The following CEP89 variants were observed in gnomAD, a reference collection of about 807,000 sequenced individuals.
CEP89 encodes centrosomal protein 89, also known as centrosomal protein of 89 kDa.
Under a neutral mutation model 97.6 loss-of-function variants are expected in CEP89, and 95 were observed. The ratio of observed to expected loss-of-function variants is 0.97; its 90% CI spans 0.82 to 1.15. CEP89 has a LOEUF of 1.15. CEP89 is among the 50% of genes most tolerant of loss of function. The probability of loss-of-function intolerance (pLI) is 0.00; values close to 1 mark genes in which losing one functional copy is unlikely to be tolerated. For missense variants in CEP89, 869 were observed against 947.7 expected (o/e 0.92, Z 1.09); for synonymous variants, 354 against 349.1 (o/e 1.01, Z -0.16).
Position 32,933,533 on chromosome 19 carries a change from CA to C in CEP89, c.803del (p.Met268ArgfsTer6), listed in dbSNP as rs764704889. On this transcript the variant is annotated frameshift_variant, in exon 8 of 19. Transcript: ENST00000305768. LOFTEE classifies it high-confidence loss of function. ...TLELNTMKQA[M>X]KELQLKLKGM... ...CCTTAAGTTTTAACTGTAGTTCTTTCATTGCTTGTTTCATTGTGTTTAGTTC... is the reference window on the plus strand; with the variant it reads ...CCTTAAGTTTTAACTGTAGTTCTTTCTTGCTTGTTTCATTGTGTTTAGTTC... 37 of 1,613,960 alleles carry C rather than the reference CA, an allele frequency of 2.3e-5. No homozygotes were observed. The highest frequency in any genetic ancestry group is 3.1e-5 in the Non-Finnish European group (36 of 1,179,840).
At position 32,934,126 on chromosome 19, in the gene CEP89, G is replaced by C. The variant is rs188680810; in HGVS notation, c.668-457C>G. 1.6e-3 allele frequency among the ~76,000 whole-genome samples: 240 copies of C among 152,304 alleles called. 1 individual carries two copies. The highest frequency in any genetic ancestry group is 5.4e-3 in the African/African-American group (224 of 41,564). On this transcript the variant is annotated intron_variant, in intron 7 of 18. Coordinates refer to ENST00000305768, the MANE Select transcript of CEP89 (RefSeq NM_032816.5). ...CACATGAGAGCAGGACTCAGGGGCT[G>C]GTGGCTGGCTGGGTGCGGGCAGTGA... is the stretch of plus-strand genomic sequence containing the variant.
At chr19:32,953,513 C>T in intron 4 of CEP89, 102 bp downstream of exon 4, 1 of 906,698 alleles carries the variant, frequency 1.1e-6, no homozygotes, top group South Asian at 2.0e-5. Flanking sequence ...CAAATGCTAT[C>T]AAATGCAGAA....
chr19:32,961,380 C>G (rs1339651138), intron 2 of CEP89, among the ~76,000 whole-genome samples: 1 of 150,474 alleles, frequency 6.6e-6, no homozygotes, highest in Non-Finnish European at 1.5e-5. Context: ...ACCATCCTGG[C>G]CAACATGGTG....
intron 16 of CEP89, among the ~76,000 whole-genome samples, chr19:32,892,429 A>G (rs985132845): frequency 2.6e-5 from 4 of 151,178 alleles, no homozygotes; most frequent in African/African-American, 7.3e-5. Context: ...TTAGCCCCCA[A>G]AGTAGCTGGG....
chr19:32,916,413 C>G (rs1970128370), intron 13 of CEP89, among the ~76,000 whole-genome samples: 1 of 152,156 alleles, frequency 6.6e-6, no homozygotes, highest in African/African-American at 2.4e-5. Context: ...ACTGACTTTC[C>G]TAAGAGTAAA....
Position 32,949,970 on chromosome 19 carries a change from T to C in CEP89, c.493-1602A>G, listed in dbSNP as rs557325465. On this transcript the variant is annotated intron_variant, in intron 4 of 18. Coordinates refer to ENST00000305768, the MANE Select transcript of CEP89 (RefSeq NM_032816.5). ...ACCTGGCTCAAGAGAAGCAAACAGGTCTCCCAAGATACTCATCATTTGAAG... is the reference window on the plus strand; with the variant it reads ...ACCTGGCTCAAGAGAAGCAAACAGGCCTCCCAAGATACTCATCATTTGAAG... Among the ~76,000 whole-genome samples, 17 of 151,542 alleles carry C rather than the reference T, an allele frequency of 1.1e-4. No homozygotes were observed. In the East Asian group the frequency reaches 2.5e-3, roughly 23 times the overall value.
chr19:32,889,926 A>G (rs6510303), intron 16 of CEP89, among the ~76,000 whole-genome samples: 12,354 of 152,098 alleles, frequency 0.081, 1,570 homozygotes, highest in African/African-American at 0.27. Flanking sequence ...GCTACCACAG[A>G]GAGTGCCAGG....
chr19:32,941,667 G>A (rs961836440), intron 5 of CEP89, among the ~76,000 whole-genome samples: 3 of 152,086 alleles, frequency 2.0e-5, no homozygotes, highest in South Asian at 2.1e-4. Context: ...TCCTGCGTTG[G>A]ACACCAGGTG....
intron 14 of CEP89, among the ~76,000 whole-genome samples, chr19:32,905,218 ATT>A (rs1969863456): frequency 2.0e-5 from 3 of 152,168 alleles, no homozygotes; most frequent in Non-Finnish European, 2.9e-5. Context: ...TGTGATCTTT[ATT>A]GTAGCTGTAT....
intron 3 of CEP89, among the ~76,000 whole-genome samples, chr19:32,955,194 G>T (rs1971021349): frequency 6.6e-6 from 1 of 151,892 alleles, no homozygotes; most frequent in African/African-American, 2.4e-5. Context: ...TAGAGAAGGG[G>T]TTTCACCATG....
chr19:32,957,933 T>C (rs903169928), intron 3 of CEP89, among the ~76,000 whole-genome samples: 3 of 150,712 alleles, frequency 2.0e-5, no homozygotes, highest in African/African-American at 7.3e-5. Flanking sequence ...GAAGAGGAGG[T>C]TGCAGTGAGC....
intron 18 of CEP89, 28 bp downstream of exon 18, chr19:32,881,816 G>A (rs761974234): frequency 1.1e-5 from 17 of 1,574,434 alleles, no homozygotes; most frequent in Middle Eastern, 1.9e-4. Flanking sequence ...ACATCTCTGC[G>A]GGCCATGGCG....
In CEP89 at chr19:32,899,903, C is replaced by A. The variant is rs1304693842; in HGVS notation, c.1829G>T (p.Gly610Val). Reference protein sequence around the residue: ...SAHQYLANLVGLAENITQERD... With the variant: ...SAHQYLANLVVLAENITQERD... The stretch of plus-strand genomic sequence containing the variant: ...TTCCTGGGTTATGTTTTCTGCCAGG[C>A]CAACAAGGTTTGCCAGGTACTGATG... The change falls in exon 16 of 19, where the codon GGC becomes GTC. Residue 610 changes from glycine to valine, a missense_variant. Coordinates refer to ENST00000305768, the MANE Select transcript of CEP89 (RefSeq NM_032816.5). The A allele has an allele frequency of 3.1e-6, 5 of 1,613,874 alleles. No individual in the cohort carries two copies. In the East Asian group the frequency reaches 8.9e-5, roughly 29 times the overall value.
chr19:32,889,528 C>A (rs1224556356), intron 16 of CEP89, among the ~76,000 whole-genome samples: 1 of 152,200 alleles, frequency 6.6e-6, no homozygotes, highest in Non-Finnish European at 1.5e-5. Context: ...CAACAAGTAA[C>A]TTTTAAATAT....
At position 32,931,499 on chromosome 19, in the gene CEP89, A is replaced by G. The variant is rs1299440250; in HGVS notation, c.959T>C (p.Met320Thr). The change falls in exon 9 of 19, where the codon ATG becomes ACG. Residue 320 changes from methionine (M) to threonine (T), a missense_variant. Met to Thr is a moderately conservative substitution (Grantham distance 81). Transcript: ENST00000305768. ...TTCTACATTCAAACGATGGACAGTC[A>G]TTTTCAATCCATCATTTTCATCCAC... is the stretch of plus-strand genomic sequence containing the variant. ...ELVDENDGLK[M>T]TVHRLNVELS... is the part of the protein sequence containing the mutation. The G allele has an allele frequency of 6.3e-7, 1 of 1,591,680 alleles. No homozygotes were observed. Among genetic ancestry groups the G allele is most frequent in the South Asian group, 1.2e-5 (1 of 85,054 alleles).
rs770449339 is a variant in CEP89, at chr19:32,901,319, C to G, written c.1659G>C (p.Leu553=). ...GCTCTGTCAAACTGTTCTTCTCTAA[C>G]AGCAGGCTCTTCTTCTGCGCTTGCA... ...TVLQAQKKSL[L]LEKNSLTEQN... The change falls in exon 15 of 19, where the codon CTG becomes CTC. Residue 553 remains leucine (L), a synonymous_variant. Transcript: ENST00000305768. The G allele has an allele frequency of 1.9e-6, 3 of 1,614,206 alleles. No individual in the cohort carries two copies. Among genetic ancestry groups the G allele is most frequent in the Non-Finnish European group, 1.7e-6 (2 of 1,180,034 alleles).
chr19:32,893,990 A>G (rs982300620), intron 16 of CEP89, among the ~76,000 whole-genome samples: 12 of 152,236 alleles, frequency 7.9e-5, no homozygotes, highest in Admixed American at 7.9e-4. Context: ...TAGATAAACA[A>G]GAACAAACAG....
chr19:32,966,441 G>A lies in CEP89; in HGVS notation c.65C>T (p.Pro22Leu), dbSNP rs777663094. The A allele has an allele frequency of 3.6e-5, 56 of 1,561,074 alleles. No homozygotes were observed. Among genetic ancestry groups the A allele is most frequent in the Middle Eastern group, 3.4e-4 (2 of 5,922 alleles). ...HFKHIIHGLL[P>L]AASVAPKAAV... ...TGCCTTCGGAGCAACGCTGGCTGCA[G>A]GTAAAAGGCCATGGATGATGTGTTT... Residue 22 changes from proline to leucine, a missense_variant, in exon 2 of 19, where the codon CCT becomes CTT. Coordinates refer to ENST00000305768, the MANE Select transcript of CEP89 (RefSeq NM_032816.5).
At chr19:32,965,916 G>C (rs919568703) in intron 2 of CEP89, 19 of 150,934 alleles carry the variant, frequency 1.3e-4, no homozygotes, top group African/African-American at 4.6e-4. Context: ...TACTCCGGAG[G>C]CTGAGGCAGG....
Sources: gnomAD v4.1 joint callset for allele counts (sites outside exome capture counted in the v4.1 genomes callset) on GRCh38, gnomAD v4.1.1 for gene constraint, MANE v1.5 for transcripts, NCBI Gene and HGNC (gene_info 2026-07-23, HGNC 2026-07-21) for gene names.